The following TTK variants were observed in gnomAD, a reference collection of about 807,000 sequenced individuals.
The protein encoded by TTK is dual specificity protein kinase TTK.
TTK carries 59 observed loss-of-function variants against 117.3 expected under a neutral mutation model. The ratio of observed to expected loss-of-function variants is 0.50; its 90% CI spans 0.41 to 0.62. The LOEUF (loss-of-function observed/expected upper bound fraction) is 0.62. Ranked by LOEUF, TTK falls within the 20% of genes least tolerant of loss-of-function variation. TTK has a pLI of 0.00. For synonymous variants in TTK, 302 were observed against 325.0 expected (o/e 0.93, Z 0.76); for missense variants, 921 against 989.4 (o/e 0.93, Z 0.93).
In TTK at chr6:80,022,351, T is replaced by A; in HGVS notation, c.1136T>A (p.Val379Asp). The A allele has an allele frequency of 3.1e-6, 5 of 1,613,322 alleles. No homozygotes were observed. The highest frequency in any genetic ancestry group is 4.2e-6 in the Non-Finnish European group (5 of 1,179,814). The change falls in exon 11 of 22, where the codon GTT (valine) becomes GAT (aspartate). Residue 379 changes from valine to aspartate, a missense_variant. Coordinates refer to ENST00000369798, the MANE Select transcript of TTK (RefSeq NM_003318.5). ...EETKEYQEPE[V>D]PESNQKQWQS... ...ACTAAAGAGTATCAAGAACCAGAGG[T>A]TCCAGAGAGTAACCAGAAACAGTGG...
intron 12 of TTK, among the ~76,000 whole-genome samples, chr6:80,027,010 G>C (rs1234392971): frequency 6.6e-6 from 1 of 152,154 alleles, no homozygotes; most frequent in Non-Finnish European, 1.5e-5. Context: ...GATAAGTGAA[G>C]AAGTTCGATG....
intron 18 of TTK, among the ~76,000 whole-genome samples, 185 bp from the exon 19 acceptor site, chr6:80,039,511 A>G (rs1286717663): frequency 2.0e-5 from 3 of 151,924 alleles, no homozygotes; most frequent in South Asian, 2.1e-4. Flanking sequence ...TAAAGCTCAT[A>G]TCTTCTGATG....
chr6:80,021,497 T>C (rs933147090), intron 10 of TTK, among the ~76,000 whole-genome samples: 7 of 151,938 alleles, frequency 4.6e-5, no homozygotes, highest in African/African-American at 1.5e-4. Context: ...ACATGAGAAG[T>C]GAGGTGTGGT....
At chr6:80,009,763 G>C (rs1767094312) in intron 4 of TTK, among the ~76,000 whole-genome samples, 1 of 151,986 alleles carries the variant, frequency 6.6e-6, no homozygotes, top group Non-Finnish European at 1.5e-5. Flanking sequence ...ACAGTTGATG[G>C]CTTGGCTGTC....
At chr6:80,011,057 T>C (rs1461710302) in intron 5 of TTK, 100 bp downstream of exon 5, 2 of 1,329,760 alleles carry the variant, frequency 1.5e-6, no homozygotes, top group East Asian at 5.2e-5. Flanking sequence ...TGTAGAATGG[T>C]TAAAATCTAA....
chr6:80,008,251 A>G (rs1385155040), intron 3 of TTK, 135 bp from the exon 4 acceptor site: 3 of 1,034,578 alleles, frequency 2.9e-6, no homozygotes, highest in Non-Finnish European at 4.1e-6. Context: ...TTTTTTTAAA[A>G]TAACTTATTA....
intron 9 of TTK, among the ~76,000 whole-genome samples, chr6:80,014,175 T>C (rs952595071): frequency 1.3e-5 from 2 of 152,186 alleles, no homozygotes; most frequent in African/African-American, 2.4e-5. Flanking sequence ...CTATGTTGAA[T>C]TCAAACTTTC....
At chr6:80,039,642 C>T in intron 18 of TTK, 54 bp from the exon 19 acceptor site, 1 of 1,377,120 alleles carries the variant, frequency 7.3e-7, no homozygotes, top group South Asian at 1.7e-5. Context: ...TATGTTTTTT[C>T]ATTTTATATG....
At position 80,026,088 on chromosome 6, in the gene TTK, A is replaced by G. The variant is rs565618733; in HGVS notation, c.1258-290A>G. On this transcript the variant is annotated intron_variant, in intron 11 of 21. Coordinates refer to ENST00000369798, the MANE Select transcript of TTK (RefSeq NM_003318.5). ...TGATAAGAATTTAATACTTGTTACA[A>G]TAGCTCTGATGGAAGAGAATGTTAA... Among the ~76,000 whole-genome samples, 13 of 152,266 alleles carry G rather than the reference A, an allele frequency of 8.5e-5. No homozygotes were observed. The South Asian group carries it at 1.4e-3, about 17-fold the overall frequency.
chr6:80,022,201 C>G, intron 10 of TTK, 123 bp from the exon 11 acceptor site: 2 of 1,079,032 alleles, frequency 1.9e-6, no homozygotes, highest in Non-Finnish European at 2.5e-6. Flanking sequence ...TTTAGTTTCT[C>G]TCCCTCCTTG....
intron 2 of TTK, 42 bp downstream of exon 2, chr6:80,006,024 G>C: frequency 1.3e-6 from 2 of 1,585,052 alleles, no homozygotes; most frequent in South Asian, 2.3e-5. Context: ...TGTTTGTTGG[G>C]TATCCTCTAA....
intron 4 of TTK, among the ~76,000 whole-genome samples, chr6:80,008,994 TAAAA>T (rs1377151647): frequency 6.8e-6 from 1 of 147,056 alleles, no homozygotes; most frequent in East Asian, 2.1e-4. Context: ...TTCTTTAAAA[TAAAA>T]AAGTAAACTG....
At chr6:80,041,683 T>A (rs1463517155) in intron 21 of TTK, among the ~76,000 whole-genome samples, 5 of 151,260 alleles carry the variant, frequency 3.3e-5, no homozygotes, top group African/African-American at 1.2e-4. Flanking sequence ...TTTAAATACA[T>A]GGATTTTAAT....
At chr6:80,036,169 G>A (rs541923296) in intron 16 of TTK, among the ~76,000 whole-genome samples, 3 of 152,064 alleles carry the variant, frequency 2.0e-5, no homozygotes, top group African/African-American at 7.2e-5. Flanking sequence ...CACTTAGGCT[G>A]TGTGACCTTG....
At chr6:80,036,675 G>A in intron 17 of TTK, 76 bp downstream of exon 17, 1 of 1,424,536 alleles carries the variant, frequency 7.0e-7, no homozygotes. Flanking sequence ...TTGCAAATGA[G>A]TGTTATATTT....
rs369957139 is a variant in TTK at position 80,008,365 on chromosome 6, G to A, written c.363-21G>A. 23 of 1,592,210 alleles carry A rather than the reference G, an allele frequency of 1.4e-5. No homozygotes were observed. The African/African-American group carries it at 1.5e-4, about 10-fold the overall frequency. On this transcript the variant is annotated intron_variant, in intron 3 of 21. Transcript: ENST00000369798. ...AGCTATGTTCTTTTTCTTAAATTTT[G>A]ACTCAAATCTTTTATTACAGTATTC...
chr6:80,017,436 G>A (rs1270092608), intron 10 of TTK, among the ~76,000 whole-genome samples: 2 of 152,036 alleles, frequency 1.3e-5, no homozygotes, highest in African/African-American at 4.8e-5. Context: ...GTGCCACCAT[G>A]CCCGGCTAAT....
chr6:80,040,331 T>A, intron 20 of TTK, 51 bp downstream of exon 20: 1 of 1,400,306 alleles, frequency 7.1e-7, no homozygotes, highest in South Asian at 1.4e-5. Context: ...GTATAAACAG[T>A]CTGTTACCTA....
intron 18 of TTK, among the ~76,000 whole-genome samples, chr6:80,038,537 TA>T (rs1473228129): frequency 6.6e-6 from 1 of 152,162 alleles, no homozygotes; most frequent in African/African-American, 2.4e-5. Context: ...TCCCTGTCTC[TA>T]AATTGTGCCT....
Sources: allele counts gnomAD v4.1 joint callset (sites outside exome capture counted in the v4.1 genomes callset), GRCh38; gene constraint gnomAD v4.1.1; transcripts MANE v1.5; gene names NCBI Gene and HGNC (gene_info 2026-07-23, HGNC 2026-07-21).